The following PLGRKT variants were observed in gnomAD, a reference collection of about 807,000 sequenced individuals.
PLGRKT encodes plasminogen receptor with a C-terminal lysine.
A neutral mutation model predicts 18.5 loss-of-function variants in PLGRKT; 22 were observed. The observed-to-expected ratio is 1.19, with a 90% confidence interval of 0.85 to 1.70. The LOEUF (loss-of-function observed/expected upper bound fraction) is 1.70, where lower values mean the gene tolerates loss of function less well. Ranked by LOEUF, PLGRKT falls within the 40% of genes most tolerant of loss-of-function variation. The pLI, the probability that PLGRKT is intolerant of heterozygous loss-of-function variation, is 0.00. For missense variants in PLGRKT, 235 were observed against 174.4 expected, an observed-to-expected ratio of 1.35 and a Z score of -1.96; for synonymous variants, 72 against 52.8, an observed-to-expected ratio of 1.36 and a Z score of -1.58.
intron 3 of PLGRKT, among the ~76,000 whole-genome samples, chr9:5,424,698 A>ATATATATATATATATATATATATAC (rs554487361): frequency 5.3e-5 from 4 of 75,376 alleles, no homozygotes; most frequent in Admixed American, 1.4e-4. Flanking sequence ...ATATACACAC[A>ATATATATATATATATATATATATAC]GGGGGGGGAG....
intron 3 of PLGRKT, among the ~76,000 whole-genome samples, chr9:5,412,920 G>A (rs1362415130): frequency 6.6e-6 from 1 of 151,872 alleles, no homozygotes; most frequent in African/African-American, 2.4e-5. Context: ...CAGTAGACAA[G>A]AGACCAATAA....
Position 5,358,319 on chromosome 9 carries a change from G to T in PLGRKT, c.364C>A (p.Gln122Lys). Reference sequence around the variant, plus strand: ...AAAGTGATCATTCCTCTTGGCAGCTGCAATTTACTCTTTTCTGTTTCCAGT... The same window carrying T: ...AAAGTGATCATTCCTCTTGGCAGCTTCAATTTACTCTTTTCTGTTTCCAGT... ...DILETEKSKLQLPRGMITFES... is the reference protein window; with the variant it reads ...DILETEKSKLKLPRGMITFES... The change falls in exon 6 of 6, where the codon CAG becomes AAG. Residue 122 changes from glutamine to lysine, a missense_variant. By Grantham distance (53) the Gln-to-Lys change is moderately conservative. Coordinates refer to ENST00000223864, the MANE Select transcript of PLGRKT (RefSeq NM_018465.4). 1 of 1,609,384 alleles carries T rather than the reference G, an allele frequency of 6.2e-7. No homozygotes were observed. Among genetic ancestry groups the T allele is most frequent in the Non-Finnish European group, 8.5e-7 (1 of 1,176,012 alleles).
At chr9:5,360,382 A>C (rs976091882) in intron 5 of PLGRKT, among the ~76,000 whole-genome samples, 2 of 152,228 alleles carry the variant, frequency 1.3e-5, no homozygotes, top group African/African-American at 4.8e-5. Flanking sequence ...TTCTGTTTCA[A>C]GGATGGCTCT....
At chr9:5,376,389 C>G (rs1446844917) in intron 3 of PLGRKT, among the ~76,000 whole-genome samples, 2 of 152,118 alleles carry the variant, frequency 1.3e-5, no homozygotes, top group East Asian at 3.9e-4. Context: ...AGCTTTGTGT[C>G]CATGGGTAGG....
Position 5,418,476 on chromosome 9 carries a change from C to A in PLGRKT, c.81+13421G>T. On this transcript the variant is annotated intron_variant, in intron 3 of 5. Transcript: ENST00000223864. The surrounding 1 kb of genome is among the most constrained non-coding windows in gnomAD (Gnocchi z 4.2). ...AAGCCACCAAGATGACAGTGCACAC[C>A]CTCAACCACATGGAGCTTTTCACCA... is the stretch of plus-strand genomic sequence containing the variant. The A allele has an allele frequency of 4.6e-6, 5 of 1,091,626 alleles. No individual in the cohort carries two copies. Among genetic ancestry groups the A allele is most frequent in the Non-Finnish European group, 1.4e-6 (1 of 710,338 alleles). 67.6% of individuals were successfully genotyped at this position (1,091,626 alleles called of 1,614,324 possible). A position where few individuals can be genotyped will look rare whatever the true frequency, so the allele number is the denominator to read the frequency against.
upstream of PLGRKT, among the ~76,000 whole-genome samples, chr9:5,438,082 G>C (rs564888834): frequency 6.6e-6 from 1 of 152,340 alleles, no homozygotes; most frequent in South Asian, 2.1e-4. Flanking sequence ...CCAGATTTTT[G>C]AGATGAGGCA....
In PLGRKT at chr9:5,361,818, C is replaced by A. The variant is rs192282037; in HGVS notation, c.152G>T (p.Arg51Leu). ...AGTTCCAAAATATTTGAGGAATTCCCGAGACCACGCAATCTGCATGGCCAT... is the reference window on the plus strand; with the variant it reads ...AGTTCCAAAATATTTGAGGAATTCCAGAGACCACGCAATCTGCATGGCCAT... ...RQMAMQIAWSREFLKYFGTFF... is the reference protein window; with the variant it reads ...RQMAMQIAWSLEFLKYFGTFF... Residue 51 changes from arginine to leucine, a missense_variant, in exon 4 of 6, where the codon CGG becomes CTG. Transcript: ENST00000223864. 2 of 1,613,066 alleles carry A rather than the reference C, an allele frequency of 1.2e-6. No individual in the cohort carries two copies. Among genetic ancestry groups the A allele is most frequent in the African/African-American group, 2.7e-5 (2 of 74,906 alleles).
chr9:5,431,609 C>G (rs979058523), intron 3 of PLGRKT, among the ~76,000 whole-genome samples: 3 of 151,560 alleles, frequency 2.0e-5, no homozygotes, highest in African/African-American at 7.3e-5. Context: ...ATAATCTCCC[C>G]ATCTCAAACA....
intron 3 of PLGRKT, among the ~76,000 whole-genome samples, chr9:5,377,320 T>C (rs1375904078): frequency 6.6e-6 from 1 of 151,988 alleles, no homozygotes; most frequent in Admixed American, 6.5e-5. Flanking sequence ...AATAGTACTA[T>C]GGTAATCTTT....
At chr9:5,432,500 C>G (rs1321212173) in intron 2 of PLGRKT, among the ~76,000 whole-genome samples, 1 of 151,530 alleles carries the variant, frequency 6.6e-6, no homozygotes, top group East Asian at 1.9e-4. Context: ...CCTCTCCCTC[C>G]CCCTCCCCCT....
chr9:5,397,050 T>A (rs1051415472), intron 3 of PLGRKT, among the ~76,000 whole-genome samples: 1 of 152,032 alleles, frequency 6.6e-6, no homozygotes, highest in African/African-American at 2.4e-5. Flanking sequence ...TTAAATTAAC[T>A]TCCAAACTTA....
intron 3 of PLGRKT, among the ~76,000 whole-genome samples, chr9:5,421,343 C>G (rs369655130): frequency 7.9e-5 from 12 of 152,348 alleles, no homozygotes; most frequent in East Asian, 7.7e-4. Flanking sequence ...CTTTCACTAA[C>G]TACTCTACCA....
intron 3 of PLGRKT, among the ~76,000 whole-genome samples, chr9:5,424,647 TATATA>T (rs894092270): frequency 1.5e-4 from 15 of 101,258 alleles, no homozygotes; most frequent in Admixed American, 5.4e-4. Context: ...ATTTACATTA[TATATA>T]ATATAATTAT....
At chr9:5,390,130 T>C (rs1817920129) in intron 3 of PLGRKT, among the ~76,000 whole-genome samples, 1 of 151,612 alleles carries the variant, frequency 6.6e-6, no homozygotes, top group Non-Finnish European at 1.5e-5. Flanking sequence ...TGCTTCAGGA[T>C]GGGAGGGTAT....
At chr9:5,386,531 G>C (rs551352323) in intron 3 of PLGRKT, among the ~76,000 whole-genome samples, 1 of 151,940 alleles carries the variant, frequency 6.6e-6, no homozygotes, top group East Asian at 1.9e-4. Context: ...ACTTCCAAAT[G>C]TCAATAGTGT....
At chr9:5,413,291 T>C (rs536801834) in intron 3 of PLGRKT, among the ~76,000 whole-genome samples, 7 of 152,318 alleles carry the variant, frequency 4.6e-5, no homozygotes, top group South Asian at 2.1e-4. Flanking sequence ...TAGCAAAATA[T>C]TGGAAATAAC....
intron 3 of PLGRKT, among the ~76,000 whole-genome samples, chr9:5,427,067 C>A (rs1386654774): frequency 6.6e-6 from 1 of 152,208 alleles, no homozygotes; most frequent in Admixed American, 6.5e-5. Flanking sequence ...TGGTCAACCT[C>A]AGTCTGAAAA....
chr9:5,430,325 C>T (rs967647719), intron 3 of PLGRKT, among the ~76,000 whole-genome samples: 3 of 152,168 alleles, frequency 2.0e-5, no homozygotes, highest in South Asian at 2.1e-4. Context: ...TTGACAAGGA[C>T]GTGCTAAGCA....
At chr9:5,413,969 C>G (rs896466735) in intron 3 of PLGRKT, among the ~76,000 whole-genome samples, 6 of 152,102 alleles carry the variant, frequency 3.9e-5, no homozygotes, top group African/African-American at 1.2e-4. Flanking sequence ...ACCCTTCACA[C>G]ATGAGAGAAG....
Sources: allele counts gnomAD v4.1 joint callset (sites outside exome capture counted in the v4.1 genomes callset), GRCh38; gene constraint gnomAD v4.1.1; non-coding constraint Gnocchi (gnomAD v3.1); transcripts MANE v1.5; gene names NCBI Gene and HGNC (gene_info 2026-07-23, HGNC 2026-07-21).